Variants in MCM3AP observed in about 807,000 individuals in gnomAD.
MCM3AP encodes minichromosome maintenance complex component 3 associated protein.
Under a neutral mutation model 184.1 loss-of-function variants are expected in MCM3AP, and 126 were observed. That is an observed-to-expected ratio of 0.68 (90% CI 0.59 to 0.79). The LOEUF (loss-of-function observed/expected upper bound fraction) is 0.79, where lower values mean the gene tolerates loss of function less well. MCM3AP is among the 30% of genes least tolerant of loss of function. The probability of loss-of-function intolerance (pLI) is 0.00; values close to 1 mark genes in which losing one functional copy is unlikely to be tolerated. For synonymous variants in MCM3AP, 1,002 were observed against 979.3 expected (o/e 1.02, Z -0.43); for missense variants, 2,496 against 2,479.2 (o/e 1.01, Z -0.14).
At position 46,237,871 on chromosome 21, in the gene MCM3AP, G is replaced by T. The variant is rs1359081787; in HGVS notation, c.5634-892C>A. Among the ~76,000 whole-genome samples the T allele has an allele frequency of 3.5e-5, 4 of 115,198 alleles. 1 individual carries two copies. The highest frequency in any genetic ancestry group is 7.3e-5 in the Non-Finnish European group (4 of 55,002). The allele number at this position is 115,198 out of a possible 152,430, so 75.6% of individuals were successfully genotyped here. A position where few individuals can be genotyped will look rare whatever the true frequency, so the allele number is the denominator to read the frequency against. On this transcript the variant is annotated intron_variant, in intron 26 of 27. Coordinates refer to ENST00000291688, the MANE Select transcript of MCM3AP (RefSeq NM_003906.5). Reference sequence around the variant, plus strand: ...TCCCAACACTTTGGGAGGCCGAGGCGGGCAGATCACCTGAGGTCAGGAGTT... The same window carrying T: ...TCCCAACACTTTGGGAGGCCGAGGCTGGCAGATCACCTGAGGTCAGGAGTT...
Position 46,268,313 on chromosome 21 carries a change from C to T in MCM3AP, c.2629-1171G>A, listed in dbSNP as rs148804752. Among the ~76,000 whole-genome samples the T allele has an allele frequency of 6.8e-4, 104 of 152,324 alleles. 1 individual carries two copies. The East Asian group carries it at 0.016, about 24-fold the overall frequency. The stretch of plus-strand genomic sequence containing the variant: ...GGTACCTAAGCTGTTAGTCCTCTTC[C>T]GATGTTCTTTAATTCAACCAACACT... On this transcript the variant is annotated intron_variant, in intron 9 of 27. Coordinates refer to ENST00000291688, the MANE Select transcript of MCM3AP (RefSeq NM_003906.5).
In MCM3AP at chr21:46,273,472, C is replaced by T. The variant is rs766393729; in HGVS notation, c.2112G>A (p.Leu704=). The T allele has an allele frequency of 1.2e-5, 19 of 1,613,840 alleles. No homozygotes were observed. Among genetic ancestry groups the T allele is most frequent in the Non-Finnish European group, 1.6e-5 (19 of 1,179,876 alleles). ...LPVLSRTMDY[L]VTQIMDQKEG... ...CCTTCTGGTCCATGATCTGGGTCAC[C>T]AGGTAGTCCATGGTCCTGCTGAGCA... The change falls in exon 7 of 28, where the codon CTG becomes CTA. Residue 704 remains leucine, a synonymous_variant. Coordinates refer to ENST00000291688, the MANE Select transcript of MCM3AP (RefSeq NM_003906.5).
rs779215140 is a variant in MCM3AP, at chr21:46,235,345, G to A, written c.5866C>T (p.Leu1956=). The A allele has an allele frequency of 2.5e-6, 4 of 1,614,162 alleles. No homozygotes were observed. The highest frequency in any genetic ancestry group is 1.1e-5 in the South Asian group (1 of 91,088). Residue 1956 remains leucine, a synonymous_variant, in exon 28 of 28, where the codon CTG becomes TTG. Coordinates refer to ENST00000291688, the MANE Select transcript of MCM3AP (RefSeq NM_003906.5). ...LGERLKHLER[L]IRSSREEEVA... is the part of the protein sequence containing the mutation. Reference sequence around the variant, plus strand: ...TCCTCTTCCCTTGAACTCCGGATCAGCCTTTCCAGGTGCTTTAGTCGTTCG... The same window carrying A: ...TCCTCTTCCCTTGAACTCCGGATCAACCTTTCCAGGTGCTTTAGTCGTTCG...
rs1326835339 is a variant in MCM3AP, at chr21:46,244,916, G to A, written c.4929C>T (p.Gly1643=). 1.2e-6 allele frequency: 2 copies of A among 1,614,032 alleles called. No homozygotes were observed. Among genetic ancestry groups the A allele is most frequent in the African/African-American group, 2.7e-5 (2 of 74,916 alleles). The change falls in exon 23 of 28, where the codon GGC becomes GGT. Residue 1643 remains glycine, a synonymous_variant. Transcript: ENST00000291688. ...WPVTEFAEAG[G]SRLLPHLHWN... The stretch of plus-strand genomic sequence containing the variant: ...AGTGCAGGTGAGGAAGCAGCCGGCT[G>A]CCCCCTGCCTCAGCAAACTCAGTGA...
chr21:46,252,215 G>T (rs1283174214), intron 19 of MCM3AP: 1 of 152,314 alleles, frequency 6.6e-6, no homozygotes, highest in East Asian at 1.9e-4. Flanking sequence ...CATTCCATTA[G>T]AATGGAACTG....
At chr21:46,270,355 A>G (rs375696655) in intron 9 of MCM3AP, 46 bp downstream of exon 9, 1 of 1,563,942 alleles carries the variant, frequency 6.4e-7, no homozygotes, top group South Asian at 1.2e-5. Context: ...CAGCACAAGA[A>G]CCACCTGCTT....
In MCM3AP at chr21:46,270,407, G is replaced by A; in HGVS notation, c.2622C>T (p.Phe874=). 2.5e-6 allele frequency: 4 copies of A among 1,611,324 alleles called. No homozygotes were observed. The highest frequency in any genetic ancestry group is 3.4e-6 in the Non-Finnish European group (4 of 1,179,066). ...YLNACLLHCY[F]SQIRKDALRA... is the part of the protein sequence containing the mutation. ...GCACAGCTCATTTACTCACCTGACT[G>A]AAGTAACAGTGTAAAAGACAAGCGT... The change falls in exon 9 of 28, where the codon TTC becomes TTT. Residue 874 remains phenylalanine (F), a synonymous_variant. Transcript: ENST00000291688.
intron 2 of MCM3AP, among the ~76,000 whole-genome samples, chr21:46,282,389 T>C (rs1200254479): frequency 6.6e-6 from 1 of 152,330 alleles, no homozygotes; most frequent in East Asian, 1.9e-4. Flanking sequence ...ACTTTATAAA[T>C]TTATACTTTA....
chr21:46,280,384 T>C (rs577781569), intron 3 of MCM3AP, 113 bp downstream of exon 3: 123 of 878,138 alleles, frequency 1.4e-4, no homozygotes, highest in Middle Eastern at 9.9e-4. Flanking sequence ...CCATGCACAA[T>C]GGCTCATGCC....
At chr21:46,257,952 A>G (rs1220643565) in intron 16 of MCM3AP, among the ~76,000 whole-genome samples, 3 of 151,118 alleles carry the variant, frequency 2.0e-5, no homozygotes, top group Non-Finnish European at 4.4e-5. Flanking sequence ...GAGCCACATG[A>G]AAGTCCATCA....
chr21:46,256,264 G>A (rs2080947114), intron 17 of MCM3AP, among the ~76,000 whole-genome samples: 1 of 152,126 alleles, frequency 6.6e-6, no homozygotes, highest in African/African-American at 2.4e-5. Flanking sequence ...TCTGCTCGGG[G>A]TAACCAGGAG....
chr21:46,275,244 T>C lies in MCM3AP; in HGVS notation c.1940A>G (p.Tyr647Cys). The C allele has an allele frequency of 6.2e-7, 1 of 1,614,156 alleles. No homozygotes were observed. The highest frequency in any genetic ancestry group is 8.5e-7 in the Non-Finnish European group (1 of 1,180,014). Reference sequence around the variant, plus strand: ...CAGCTGGCTACGGGTCTCCCGCATGTACCTCTCCTTCTCAGGACACATATC... The same window carrying C: ...CAGCTGGCTACGGGTCTCCCGCATGCACCTCTCCTTCTCAGGACACATATC... Reference protein sequence around the residue: ...CLDMCPEKERYMRETRSQLSV... With the variant: ...CLDMCPEKERCMRETRSQLSV... The change falls in exon 6 of 28, where the codon TAC (tyrosine) becomes TGC (cysteine). Residue 647 changes from tyrosine to cysteine, a missense_variant. Physicochemically the swap from Tyr to Cys is radical, Grantham distance 194. Transcript: ENST00000291688.
Position 46,256,964 on chromosome 21 carries a change from G to A in MCM3AP, c.3757C>T (p.Arg1253Cys), listed in dbSNP as rs576312688. 5.3e-5 allele frequency: 86 copies of A among 1,611,826 alleles called. No individual in the cohort carries two copies. Among genetic ancestry groups the A allele is most frequent in the Admixed American group, 2.7e-4 (16 of 59,826 alleles). The change falls in exon 17 of 28, where the codon CGC (arginine) becomes TGC (cysteine). Residue 1253 changes from arginine (R) to cysteine (C), a missense_variant. Around this residue, in one of 5 missense-constraint regions of MCM3AP, gnomAD observed 1,323 missense variants for 1,273.4 expected, o/e 1.04. Coordinates refer to ENST00000291688, the MANE Select transcript of MCM3AP (RefSeq NM_003906.5). Reference sequence around the variant, plus strand: ...CGCATTTGGCGCCTCAGTTTCTTGCGGGCTGTGACAGCTTCCCTCCACCTG... The same window carrying A: ...CGCATTTGGCGCCTCAGTTTCTTGCAGGCTGTGACAGCTTCCCTCCACCTG... ...LQRWREAVTA[R>C]KKLRRQMRAF...
At chr21:46,239,212 C>A (rs2080603344) in intron 26 of MCM3AP, among the ~76,000 whole-genome samples, 1 of 152,146 alleles carries the variant, frequency 6.6e-6, no homozygotes, top group African/African-American at 2.4e-5. Flanking sequence ...CCTGGCCACC[C>A]CTGCAAAGTT....
intron 18 of MCM3AP, 69 bp downstream of exon 18, chr21:46,254,707 G>T: frequency 6.7e-7 from 1 of 1,482,476 alleles, no homozygotes; most frequent in Non-Finnish European, 9.4e-7. Context: ...CATGAAGGGG[G>T]CTGCCAGTGT....
Position 46,245,038 on chromosome 21 carries a change from G to A in MCM3AP, c.4807C>T (p.Gln1603Ter). Residue 1603 changes from glutamine to a stop codon, truncating the protein, a stop_gained, in exon 23 of 28, where the codon CAG becomes TAG. Coordinates refer to ENST00000291688, the MANE Select transcript of MCM3AP (RefSeq NM_003906.5). LOFTEE classifies it high-confidence loss of function. Reference protein sequence around the residue: ...RERRLGGLASQEPGAIIELFN... With the variant: ...RERRLGGLAS ...AGCTCAATGATGGCGCCAGGCTCCT[G>A]AGAAGCAAGACCGCCCAGACGCCTC... 1.2e-6 allele frequency: 2 copies of A among 1,614,226 alleles called. No individual in the cohort carries two copies. Among genetic ancestry groups the A allele is most frequent in the Non-Finnish European group, 1.7e-6 (2 of 1,180,044 alleles).
intron 22 of MCM3AP, among the ~76,000 whole-genome samples, chr21:46,245,889 C>G (rs1276785480): frequency 1.3e-5 from 2 of 152,190 alleles, no homozygotes; most frequent in Admixed American, 6.5e-5. Context: ...ACTTCTGTAT[C>G]TGACCTTCAG....
At chr21:46,243,033 T>C in intron 24 of MCM3AP, 102 bp from the exon 25 acceptor site, 3 of 1,080,720 alleles carry the variant, frequency 2.8e-6, no homozygotes, top group Non-Finnish European at 2.6e-6. Context: ...GTACAAATAA[T>C]ATTTAAACAG....
chr21:46,264,245 TG>T, intron 12 of MCM3AP, 28 bp from the exon 13 acceptor site: 1 of 1,429,058 alleles, frequency 7.0e-7, no homozygotes, highest in Non-Finnish European at 9.8e-7. Context: ...TGGGGTGTAA[TG>T]GAACGTCCCA....
Sources: gnomAD v4.1 joint callset for allele counts (sites outside exome capture counted in the v4.1 genomes callset) on GRCh38, gnomAD v4.1.1 for gene constraint, gnomAD v4.1.1 regional missense constraint, MANE v1.5 for transcripts, NCBI Gene and HGNC (gene_info 2026-07-23, HGNC 2026-07-21) for gene names.